Variants in EML1 observed in about 807,000 individuals in gnomAD.
EML1 encodes the protein EMAP like 1, also known as echinoderm microtubule-associated protein-like 1.
EML1 carries 27 observed loss-of-function variants against 110.4 expected under a neutral mutation model. The ratio of observed to expected loss-of-function variants is 0.24; its 90% confidence interval spans 0.18 to 0.34. EML1 has a LOEUF of 0.34. Among genes scored for constraint, EML1 ranks in the 10% least tolerant of loss-of-function variants. The pLI is 1.00. For synonymous variants in EML1, 344 were observed against 385.8 expected (o/e 0.89, Z 1.27); for missense variants, 741 against 1,030.9 (o/e 0.72, Z 3.85).
At chr14:99,782,162 C>T (rs1286575319) in intron 1 of EML1, among the ~76,000 whole-genome samples, 1 of 152,110 alleles carries the variant, frequency 6.6e-6, no homozygotes, top group African/African-American at 2.4e-5. Flanking sequence ...ACCCCTCCAC[C>T]CCCACCACCT....
At chr14:99,804,762 T>G (rs1161598937) in intron 1 of EML1, among the ~76,000 whole-genome samples, 1 of 152,210 alleles carries the variant, frequency 6.6e-6, no homozygotes, top group African/African-American at 2.4e-5. Context: ...CAGATTTCCT[T>G]GTCTTCACCT....
At chr14:99,745,099 C>G (rs2057090339) in intron 1 of EML1, among the ~76,000 whole-genome samples, 1 of 152,080 alleles carries the variant, frequency 6.6e-6, no homozygotes, top group Admixed American at 6.6e-5. Flanking sequence ...CAGACTCTTG[C>G]TCTGTCACCC....
At chr14:99,873,503 T>C (rs1284694928) in intron 3 of EML1, among the ~76,000 whole-genome samples, 2 of 152,228 alleles carry the variant, frequency 1.3e-5, no homozygotes. Context: ...ACGTAGGTGA[T>C]AAATCCATGT....
At chr14:99,857,643 C>G (rs2058927008) in intron 2 of EML1, among the ~76,000 whole-genome samples, 1 of 152,164 alleles carries the variant, frequency 6.6e-6, no homozygotes, top group Admixed American at 6.5e-5. Flanking sequence ...GATTTGCCAC[C>G]TTGGATGTTT....
chr14:99,801,481 G>T (rs1443878906), intron 1 of EML1, among the ~76,000 whole-genome samples: 1 of 152,148 alleles, frequency 6.6e-6, no homozygotes, highest in Non-Finnish European at 1.5e-5. Flanking sequence ...CGGGCGTGGT[G>T]GCGGGCGCCT....
intron 3 of EML1, among the ~76,000 whole-genome samples, chr14:99,868,926 A>C (rs911523486): frequency 6.6e-5 from 10 of 152,058 alleles, no homozygotes; most frequent in African/African-American, 1.9e-4. Context: ...TCTTCTTTTT[A>C]TGAAAACTTT....
chr14:99,939,435 AC>A lies in EML1; in HGVS notation c.2322+109del. 6.6e-7 allele frequency: 1 copy of A among 1,514,958 alleles called. No individual in the cohort carries two copies. Among genetic ancestry groups the A allele is most frequent in the Admixed American group, 1.9e-5 (1 of 52,734 alleles). 93.8% of individuals were successfully genotyped at this position (1,514,958 alleles called of 1,614,324 possible). A position where few individuals can be genotyped will look rare whatever the true frequency, so the allele number is the denominator to read the frequency against. ...GGGCTGTGAGCGACTGCTGCCAGCC[AC>A]AAAGGCAGATGTGACTCTGTTCTTT... On this transcript the variant is annotated intron_variant, in intron 21 of 21. Transcript: ENST00000262233. This position sits in a 1 kb window ranked among gnomAD's most constrained non-coding sequence, Gnocchi z 4.2.
chr14:99,865,490 T>C, intron 2 of EML1, 24 bp from the exon 3 acceptor site: 1 of 1,612,880 alleles, frequency 6.2e-7, no homozygotes, highest in Admixed American at 1.7e-5. Flanking sequence ...AACTTTCTGA[T>C]ATTATTTTCT....
rs570350552 is a variant in EML1, at chr14:99,874,832, C to T, written c.384-3653C>T. 5.3e-5 allele frequency: 57 copies of T among 1,075,966 alleles called. 1 individual carries two copies. The African/African-American group carries it at 5.6e-4, about 10-fold the overall frequency. 66.7% of individuals were successfully genotyped at this position (1,075,966 alleles called of 1,614,324 possible). Reference sequence around the variant, plus strand: ...AAATGTCTTTCGATTTTGATGTGTGCGTCCTGCAATTTACTGAAGCTTATC... The same window carrying T: ...AAATGTCTTTCGATTTTGATGTGTGTGTCCTGCAATTTACTGAAGCTTATC... On this transcript the variant is annotated intron_variant, in intron 3 of 21. Transcript: ENST00000262233.
chr14:99,935,089 C>G (rs1206586147), intron 17 of EML1, among the ~76,000 whole-genome samples: 1 of 152,208 alleles, frequency 6.6e-6, no homozygotes, highest in Non-Finnish European at 1.5e-5. Context: ...GAAGGCTGTC[C>G]TGGTGGGCTT....
intron 1 of EML1, among the ~76,000 whole-genome samples, chr14:99,800,838 A>G (rs1402696431): frequency 6.6e-6 from 1 of 152,252 alleles, no homozygotes; most frequent in Non-Finnish European, 1.5e-5. Context: ...TAAACTCTCT[A>G]TCTTTAATAA....
chr14:99,793,510 T>A lies in EML1; in HGVS notation c.34T>A (p.Tyr12Asn). Reference sequence around the variant, plus strand: ...CGGCTTCTCCAGCTACAGCAGCCTGTACGACACGTCCTCGCTGCTCCAGTT... The same window carrying A: ...CGGCTTCTCCAGCTACAGCAGCCTGAACGACACGTCCTCGCTGCTCCAGTT... The part of the protein sequence containing the change: ...EDGFSSYSSL[Y>N]DTSSLLQFCN... The change falls in exon 1 of 22, where the codon TAC (tyrosine) becomes AAC (asparagine). Residue 12 changes from tyrosine to asparagine, a missense_variant. By Grantham distance (143) the Tyr-to-Asn change is moderately radical. Transcript: ENST00000262233. The A allele has an allele frequency of 1.9e-6, 2 of 1,044,844 alleles. No individual in the cohort carries two copies. Among genetic ancestry groups the A allele is most frequent in the Non-Finnish European group, 1.2e-6 (1 of 864,338 alleles). 64.7% of individuals were successfully genotyped at this position (1,044,844 alleles called of 1,614,324 possible). A position where few individuals can be genotyped will look rare whatever the true frequency, so the allele number is the denominator to read the frequency against.
At chr14:99,887,182 C>G (rs149944718) in intron 4 of EML1, among the ~76,000 whole-genome samples, 1 of 152,316 alleles carries the variant, frequency 6.6e-6, no homozygotes, top group East Asian at 1.9e-4. Context: ...TGTACCTCAT[C>G]CTCCGTTGAG....
At chr14:99,851,974 T>A (rs1348439735) in intron 2 of EML1, among the ~76,000 whole-genome samples, 1 of 152,174 alleles carries the variant, frequency 6.6e-6, no homozygotes, top group Non-Finnish European at 1.5e-5. Flanking sequence ...GCTACAGAGC[T>A]CTGTCCCTGG....
chr14:99,912,753 A>G (rs2059966247), intron 13 of EML1, among the ~76,000 whole-genome samples: 1 of 152,246 alleles, frequency 6.6e-6, no homozygotes. Flanking sequence ...TGCTAGAGTC[A>G]TAGACATGCC....
At chr14:99,833,864 T>C (rs2058498594) in intron 1 of EML1, among the ~76,000 whole-genome samples, 1 of 152,244 alleles carries the variant, frequency 6.6e-6, no homozygotes, top group Non-Finnish European at 1.5e-5. Flanking sequence ...TAAACTTACT[T>C]ATTAGTTCCA....
chr14:99,913,966 A>G (rs2059989495), intron 13 of EML1, among the ~76,000 whole-genome samples: 1 of 151,570 alleles, frequency 6.6e-6, no homozygotes, highest in African/African-American at 2.4e-5. Flanking sequence ...CTGGGATTAC[A>G]GGCATGAGCC....
intron 1 of EML1, among the ~76,000 whole-genome samples, chr14:99,833,591 A>G (rs2058494690): frequency 6.6e-6 from 1 of 152,206 alleles, no homozygotes; most frequent in Admixed American, 6.5e-5. Flanking sequence ...TTAGCTTAAC[A>G]GTAATGAACA....
intron 1 of EML1, among the ~76,000 whole-genome samples, chr14:99,808,641 C>A (rs2058021737): frequency 1.3e-5 from 2 of 152,172 alleles, no homozygotes; most frequent in African/African-American, 2.4e-5. Context: ...GTGTATTTAA[C>A]TCCCCAAACA....
Sources: allele counts gnomAD v4.1 joint callset (sites outside exome capture counted in the v4.1 genomes callset), GRCh38; gene constraint gnomAD v4.1.1; non-coding constraint Gnocchi (gnomAD v3.1); transcripts MANE v1.5; gene names NCBI Gene and HGNC (gene_info 2026-07-23, HGNC 2026-07-21).